DAPP1: variants seen among roughly 807,000 people sequenced by gnomAD.
DAPP1 encodes dual adaptor of phosphotyrosine and 3-phosphoinositides 1.
In DAPP1, 20 loss-of-function variants were observed where a neutral mutation model predicts 41.5. The ratio of observed to expected loss-of-function variants is 0.48; its 90% CI spans 0.34 to 0.70. The LOEUF (loss-of-function observed/expected upper bound fraction) is 0.70, where lower values mean the gene tolerates loss of function less well. Ranked by LOEUF, DAPP1 falls within the 30% of genes least tolerant of loss-of-function variation. DAPP1 has a pLI of 0.01. For missense variants in DAPP1, 233 were observed against 333.4 expected, an observed-to-expected ratio of 0.70 and a Z score of 2.35; for synonymous variants, 113 against 116.2, an observed-to-expected ratio of 0.97 and a Z score of 0.18.
chr4:99,863,718 GTTTTT>G, intron 6 of DAPP1, 47 bp from the exon 7 acceptor site: 6 of 884,554 alleles, frequency 6.8e-6, no homozygotes, highest in Middle Eastern at 2.5e-4. Flanking sequence ...AGATTTGTCT[GTTTTT>G]TTTTTTTTTT....
At position 99,840,270 on chromosome 4, in the gene DAPP1, A is replaced by G. The variant is rs1479493684; in HGVS notation, c.225-19A>G. On this transcript the variant is annotated intron_variant, in intron 2 of 8. Transcript: ENST00000512369. ...ATTTATTTGTTAAATAATATTAAAT[A>G]CTTCTTTTTCCCTTTTAGGGCCAAA... 4 of 1,438,328 alleles carry G rather than the reference A, an allele frequency of 2.8e-6. No homozygotes were observed. In the South Asian group the frequency reaches 4.0e-5, roughly 14 times the overall value. 89.1% of individuals were successfully genotyped at this position (1,438,328 alleles called of 1,614,324 possible). A position where few individuals can be genotyped will look rare whatever the true frequency, so the allele number is the denominator to read the frequency against.
At chr4:99,857,428 A>C (rs1724082204) in intron 4 of DAPP1, among the ~76,000 whole-genome samples, 1 of 152,196 alleles carries the variant, frequency 6.6e-6, no homozygotes, top group African/African-American at 2.4e-5. Flanking sequence ...AATAGGTCCT[A>C]TCTAAAATGT....
At chr4:99,830,106 G>A (rs28756104) in intron 1 of DAPP1, among the ~76,000 whole-genome samples, 11,488 of 152,200 alleles carry the variant, frequency 0.075, 498 homozygotes, top group Middle Eastern at 0.14. Flanking sequence ...GTTCTGGCCC[G>A]GCACAGTGGC....
intron 3 of DAPP1, among the ~76,000 whole-genome samples, chr4:99,844,887 T>C (rs1723615278): frequency 6.6e-6 from 1 of 152,258 alleles, no homozygotes; most frequent in Non-Finnish European, 1.5e-5. Flanking sequence ...ATAATGTGGT[T>C]AAAATTAATT....
intron 7 of DAPP1, 77 bp from the exon 8 acceptor site, chr4:99,865,939 ATTATATTATATATTATAT>A (rs1724425322): frequency 1.3e-5 from 1 of 78,704 alleles, no homozygotes; most frequent in African/African-American, 5.8e-5. Flanking sequence ...TATATAATAT[ATTATATTATATATTATAT>A]TATATATATT....
In DAPP1 at chr4:99,869,876, A is replaced by C. The variant is rs1053666282; in HGVS notation, c.*1691A>C. On this transcript the variant is annotated 3_prime_UTR_variant, in exon 9 of 9. Coordinates refer to ENST00000512369, the MANE Select transcript of DAPP1 (RefSeq NM_014395.3). ...ACCCGGGAGGTGGAGGTTGCAGTGA[A>C]CCAAGATCGCGGCGCTGCACTCTAG... is the stretch of plus-strand genomic sequence containing the variant. 2.0e-5 allele frequency: 3 copies of C among 152,192 alleles called. No homozygotes were observed. The highest frequency in any genetic ancestry group is 7.2e-5 in the African/African-American group (3 of 41,530). The allele number at this position is 152,192 out of a possible 1,614,324, so 9.4% of individuals were successfully genotyped here. A position where few individuals can be genotyped will look rare whatever the true frequency, so the allele number is the denominator to read the frequency against.
intron 3 of DAPP1, among the ~76,000 whole-genome samples, chr4:99,842,909 T>A (rs1250579795): frequency 6.7e-6 from 1 of 148,342 alleles, no homozygotes; most frequent in Non-Finnish European, 1.5e-5. Flanking sequence ...TGGAGTGCAG[T>A]GGCGCGATCT....
At chr4:99,838,481 G>A (rs1158323244) in intron 2 of DAPP1, among the ~76,000 whole-genome samples, 2 of 152,156 alleles carry the variant, frequency 1.3e-5, no homozygotes, top group East Asian at 1.9e-4. Context: ...GGCACCAGGG[G>A]CTGGTTTTGT....
chr4:99,852,076 C>T (rs1448790616), intron 3 of DAPP1, among the ~76,000 whole-genome samples: 1 of 152,120 alleles, frequency 6.6e-6, no homozygotes, highest in Non-Finnish European at 1.5e-5. Context: ...TTCATTTTTT[C>T]CATAACACTT....
rs527782305 is a variant in DAPP1, at chr4:99,855,708, T to G, written c.489+2360T>G. On this transcript the variant is annotated intron_variant, in intron 4 of 8. Transcript: ENST00000512369. ...TTGGTGACTGGACCAGTATAGCTGC[T>G]GGGGAAAGAGTTCTGGTCTGATCAG... 5.3e-5 allele frequency among the ~76,000 whole-genome samples: 8 copies of G among 152,364 alleles called. No homozygotes were observed. In the East Asian group the frequency reaches 1.5e-3, roughly 29 times the overall value.
intron 2 of DAPP1, among the ~76,000 whole-genome samples, chr4:99,837,007 T>C (rs1723323820): frequency 6.6e-6 from 1 of 152,182 alleles, no homozygotes; most frequent in Admixed American, 6.5e-5. Context: ...GGGGCCATTC[T>C]CAACTCCTAG....
rs1724559099 is a variant in DAPP1, at chr4:99,869,064, A to G, written c.*879A>G. 1 of 152,230 alleles carries G rather than the reference A, an allele frequency of 6.6e-6. No homozygotes were observed. The highest frequency in any genetic ancestry group is 1.5e-5 in the Non-Finnish European group (1 of 68,048). The allele number at this position is 152,230 out of a possible 1,614,324, so 9.4% of individuals were successfully genotyped here. On this transcript the variant is annotated 3_prime_UTR_variant, in exon 9 of 9. Transcript: ENST00000512369. ...AACATTTCTCCAAATGGACTGAAAG[A>G]AACTTTTCAAGGACAGTGTATTATA...
chr4:99,840,886 A>AT (rs1181965387), intron 3 of DAPP1, among the ~76,000 whole-genome samples: 1 of 152,162 alleles, frequency 6.6e-6, no homozygotes, highest in East Asian at 1.9e-4. Flanking sequence ...TTTAAATAAG[A>AT]TTTTAAGCTA....
At chr4:99,835,768 G>A (rs372607670) in intron 2 of DAPP1, 23 bp downstream of exon 2, 20 of 1,610,286 alleles carry the variant, frequency 1.2e-5, no homozygotes, top group African/African-American at 8.0e-5. Flanking sequence ...AGGGCTCTAC[G>A]ACTTCAGCAT....
At chr4:99,836,104 C>A (rs556098374) in intron 2 of DAPP1, among the ~76,000 whole-genome samples, 1 of 152,306 alleles carries the variant, frequency 6.6e-6, no homozygotes, top group South Asian at 2.1e-4. Flanking sequence ...TTTCACTATT[C>A]TTTGATTTCT....
chr4:99,831,258 G>T (rs1001387594), intron 1 of DAPP1, among the ~76,000 whole-genome samples: 4 of 152,144 alleles, frequency 2.6e-5, no homozygotes, highest in African/African-American at 7.2e-5. Context: ...ATGTGTGTGT[G>T]TATACACACC....
At chr4:99,863,944 G>A in intron 7 of DAPP1, 89 bp downstream of exon 7, 1 of 871,642 alleles carries the variant, frequency 1.1e-6, no homozygotes, top group East Asian at 2.7e-5. Context: ...ATATCTTAAT[G>A]TCTACAAAGA....
intron 1 of DAPP1, among the ~76,000 whole-genome samples, chr4:99,825,008 G>C (rs1031258633): frequency 1.3e-5 from 2 of 152,066 alleles, no homozygotes; most frequent in Non-Finnish European, 2.9e-5. Context: ...TGACTTCCCT[G>C]GGTATGTTGG....
At chr4:99,826,090 C>T (rs1722926766) in intron 1 of DAPP1, among the ~76,000 whole-genome samples, 1 of 152,196 alleles carries the variant, frequency 6.6e-6, no homozygotes, top group African/African-American at 2.4e-5. Context: ...ACAGATTAAA[C>T]CTTAGAGTGT....
Sources: allele counts gnomAD v4.1 joint callset (sites outside exome capture counted in the v4.1 genomes callset), GRCh38; gene constraint gnomAD v4.1.1; transcripts MANE v1.5; gene names NCBI Gene and HGNC (gene_info 2026-07-23, HGNC 2026-07-21).